Variants in FA2H observed in about 807,000 individuals in gnomAD.
FA2H encodes the protein fatty acid alpha-hydroxylase.
Under a neutral mutation model 44.9 loss-of-function variants are expected in FA2H, and 22 were observed. The ratio of observed to expected loss-of-function variants is 0.49; its 90% CI spans 0.35 to 0.70. The LOEUF is 0.70. FA2H is among the 30% of genes least tolerant of loss of function. FA2H has a pLI of 0.01. For synonymous variants in FA2H, 243 were observed against 213.2 expected (o/e 1.14, Z -1.22); for missense variants, 501 against 504.9 (o/e 0.99, Z 0.07).
At chr16:74,748,038 A>G (rs1254431966) in intron 1 of FA2H, among the ~76,000 whole-genome samples, 6 of 152,180 alleles carry the variant, frequency 3.9e-5, no homozygotes, top group African/African-American at 1.2e-4. Flanking sequence ...TCTTTCAGTC[A>G]GCACAGCCTT....
chr16:74,774,637 A>G lies in FA2H; in HGVS notation c.119T>C (p.Val40Ala). 1 of 1,512,490 alleles carries G rather than the reference A, an allele frequency of 6.6e-7. No individual in the cohort carries two copies. Among genetic ancestry groups the G allele is most frequent in the South Asian group, 1.2e-5 (1 of 80,926 alleles). 93.7% of individuals were successfully genotyped at this position (1,512,490 alleles called of 1,614,324 possible). Reference sequence around the variant, plus strand: ...CTGCTCGCCCCCCGGGTGGTGCCGCACGAAGCTGGAGAGGTCGTAGAGGCG... The same window carrying G: ...CTGCTCGCCCCCCGGGTGGTGCCGCGCGAAGCTGGAGAGGTCGTAGAGGCG... The part of the protein sequence containing the change: ...GARLYDLSSF[V>A]RHHPGGEQLL... Residue 40 changes from valine to alanine, a missense_variant, in exon 1 of 7, where the codon GTG (valine) becomes GCG (alanine). Val to Ala is a moderately conservative substitution (Grantham distance 64). Transcript: ENST00000219368.
intron 6 of FA2H, among the ~76,000 whole-genome samples, chr16:74,715,925 C>T (rs1056535656): frequency 2.0e-5 from 3 of 151,752 alleles, no homozygotes; most frequent in African/African-American, 4.8e-5. Context: ...AAGCTATTCT[C>T]ATGCCTCAGC....
At position 74,719,111 on chromosome 16, in the gene FA2H, C is replaced by T; in HGVS notation, c.663G>A (p.Leu221=). Residue 221 remains leucine (L), a synonymous_variant, in exon 5 of 7, where the codon CTG becomes CTA. Coordinates refer to ENST00000219368, the MANE Select transcript of FA2H (RefSeq NM_024306.5). ...CGATGAGGCTCCAGAGGAATGTCCC[C>T]AGCATGAAGAGCCCGGGGAACATGG... ...PKSMFPGLFM[L]GTFLWSLIEY... 1 of 1,613,966 alleles carries T rather than the reference C, an allele frequency of 6.2e-7. No individual in the cohort carries two copies.
intron 1 of FA2H, among the ~76,000 whole-genome samples, chr16:74,744,302 C>T (rs1962372827): frequency 6.6e-6 from 1 of 152,104 alleles, no homozygotes; most frequent in Non-Finnish European, 1.5e-5. Flanking sequence ...TTCTTGGAAA[C>T]TTTCACATTC....
At chr16:74,745,125 A>G (rs935232399) in intron 1 of FA2H, among the ~76,000 whole-genome samples, 1 of 152,162 alleles carries the variant, frequency 6.6e-6, no homozygotes, top group Non-Finnish European at 1.5e-5. Context: ...CAGTCCCTCC[A>G]GGCCTCTCTG....
intron 1 of FA2H, among the ~76,000 whole-genome samples, chr16:74,761,953 T>C (rs1387466269): frequency 6.6e-6 from 1 of 152,236 alleles, no homozygotes; most frequent in Non-Finnish European, 1.5e-5. Flanking sequence ...GAGAGACCCT[T>C]AGCCCTTAAA....
intron 3 of FA2H, 32 bp from the exon 4 acceptor site, chr16:74,726,363 C>T (rs557192988): frequency 7.5e-7 from 1 of 1,341,728 alleles, no homozygotes; most frequent in Non-Finnish European, 1.1e-6. Flanking sequence ...GAGAGAGATA[C>T]ATGCACAGGA....
chr16:74,714,344 G>A, intron 6 of FA2H, 75 bp from the exon 7 acceptor site: 1 of 934,254 alleles, frequency 1.1e-6, no homozygotes, highest in Non-Finnish European at 1.7e-6. Context: ...AAGGGTGCCA[G>A]GGTAGGGATA....
At chr16:74,771,981 T>C (rs906009230) in intron 1 of FA2H, among the ~76,000 whole-genome samples, 43 of 151,530 alleles carry the variant, frequency 2.8e-4, no homozygotes, top group African/African-American at 1.0e-3. Context: ...GATGGAGTCT[T>C]GCTCTATTGC....
At chr16:74,749,123 A>C (rs189797991) in intron 1 of FA2H, among the ~76,000 whole-genome samples, 9 of 152,308 alleles carry the variant, frequency 5.9e-5, no homozygotes, top group African/African-American at 2.2e-4. Flanking sequence ...TGCATTAACA[A>C]GCCCACCTCT....
In FA2H at chr16:74,753,445, T is replaced by C. The variant is rs183218041; in HGVS notation, c.271-13330A>G. ...CTCATGCCTCCCAGCACTTTGGGAG[T>C]CCGAGGCGGATGGATCATGAGGTCA... On this transcript the variant is annotated intron_variant, in intron 1 of 6. Transcript: ENST00000219368. Among the ~76,000 whole-genome samples the C allele has an allele frequency of 5.3e-4, 80 of 151,868 alleles. 2 individuals carry two copies. The East Asian group carries it at 0.016, about 30-fold the overall frequency.
rs1051969416 is a variant in FA2H at position 74,715,767 on chromosome 16, C to G, written c.1039+580G>C. Among the ~76,000 whole-genome samples the G allele has an allele frequency of 2.0e-5, 3 of 152,106 alleles. No homozygotes were observed. The East Asian group carries it at 5.8e-4, about 29-fold the overall frequency. ...TCAGTGGAAATCGCTGGACCCTCCC[C>G]CACCTATGTGATATTCCATCACCTT... On this transcript the variant is annotated intron_variant, in intron 6 of 6. Transcript: ENST00000219368.
chr16:74,741,798 ATATATATATATG>A (rs1319014809), intron 1 of FA2H, among the ~76,000 whole-genome samples: 4 of 80,016 alleles, frequency 5.0e-5, no homozygotes, highest in African/African-American at 1.6e-4. Flanking sequence ...ATATATATAT[ATATATATATATG>A]TGTGTGTGTG....
rs997310209 is a variant in FA2H at position 74,774,549 on chromosome 16, G to C, written c.207C>G (p.His69Gln). 6.5e-7 allele frequency: 1 copy of C among 1,546,822 alleles called. No individual in the cohort carries two copies. Among genetic ancestry groups the C allele is most frequent in the Non-Finnish European group, 8.6e-7 (1 of 1,157,112 alleles). ...CCAGCCAGCGGCGCGCGTTGGCCGA[G>C]TGCCTGTGCGGCGGCCCGTCCAGGT... ...SADLDGPPHR[H>Q]SANARRWLEQ... is the part of the protein sequence containing the mutation. Residue 69 changes from histidine to glutamine, a missense_variant, in exon 1 of 7, where the codon CAC (histidine) becomes CAG (glutamine). By Grantham distance (24) the His-to-Gln change is conservative. Coordinates refer to ENST00000219368, the MANE Select transcript of FA2H (RefSeq NM_024306.5).
chr16:74,770,943 T>C (rs1156417743), intron 1 of FA2H, among the ~76,000 whole-genome samples: 1 of 152,134 alleles, frequency 6.6e-6, no homozygotes, highest in African/African-American at 2.4e-5. Flanking sequence ...CCTGGGTCCC[T>C]CTCTAAGCAT....
intron 2 of FA2H, among the ~76,000 whole-genome samples, chr16:74,729,560 A>G (rs1962033753): frequency 6.6e-6 from 1 of 152,238 alleles, no homozygotes; most frequent in South Asian, 2.1e-4. Flanking sequence ...GTGTGTGCAG[A>G]AAGTTTCACT....
chr16:74,765,925 T>C (rs556988775), intron 1 of FA2H, among the ~76,000 whole-genome samples: 1 of 152,216 alleles, frequency 6.6e-6, no homozygotes, highest in South Asian at 2.1e-4. Context: ...CCAGGTGAAC[T>C]AGACAAGTCC....
chr16:74,766,778 A>G (rs749987634), intron 1 of FA2H, among the ~76,000 whole-genome samples: 4 of 152,222 alleles, frequency 2.6e-5, no homozygotes, highest in Non-Finnish European at 5.9e-5. Context: ...GTGAAGAGTA[A>G]GAAAAACATC....
intron 1 of FA2H, among the ~76,000 whole-genome samples, chr16:74,771,465 G>A (rs1221169994): frequency 6.6e-6 from 1 of 151,686 alleles, no homozygotes; most frequent in Non-Finnish European, 1.5e-5. Context: ...AGCTGGGAGG[G>A]CACCACCACA....
Sources: gnomAD v4.1 joint callset for allele counts (sites outside exome capture counted in the v4.1 genomes callset) on GRCh38, gnomAD v4.1.1 for gene constraint, MANE v1.5 for transcripts, NCBI Gene and HGNC (gene_info 2026-07-23, HGNC 2026-07-21) for gene names.